Variants in SDF4 observed in about 807,000 individuals in gnomAD.
SDF4 encodes stromal cell derived factor 4.
In SDF4, 22 loss-of-function variants were observed where a neutral mutation model predicts 34.2. The ratio of observed to expected loss-of-function variants is 0.64; its 90% CI spans 0.46 to 0.92. The LOEUF is 0.92. SDF4 is among the 40% of genes least tolerant of loss of function. SDF4 has a pLI of 0.00. For missense variants in SDF4, 447 were observed against 499.9 expected, an observed-to-expected ratio of 0.89 and a Z score of 1.01; for synonymous variants, 236 against 203.1, an observed-to-expected ratio of 1.16 and a Z score of -1.38.
intron 2 of SDF4, among the ~76,000 whole-genome samples, chr1:1,227,993 C>T (rs1399412815): frequency 2.0e-5 from 3 of 152,208 alleles, no homozygotes; most frequent in East Asian, 3.8e-4. Flanking sequence ...CCGTGTGTGA[C>T]AGGGACCCCA....
rs1380698821 is a variant in SDF4 at position 1,228,558 on chromosome 1, T to C, written c.215A>G (p.Gln72Arg). The C allele has an allele frequency of 6.2e-7, 1 of 1,613,116 alleles. No individual in the cohort carries two copies. The highest frequency in any genetic ancestry group is 1.1e-5 in the South Asian group (1 of 91,090). ...MDGHLNRGFH[Q>R]EVFLGKDLGG... ...CAGGTCCTTGCCTAGGAAGACCTCC[T>C]GGTGGAAGCCGCGATTGAGGTGCCC... Residue 72 changes from glutamine (Q) to arginine (R), a missense_variant, in exon 2 of 7, where the codon CAG becomes CGG. Physicochemically the swap from Gln to Arg is conservative, Grantham distance 43 (BLOSUM62 1). Transcript: ENST00000360001.
chr1:1,227,044 C>T (rs1638335924), intron 2 of SDF4, among the ~76,000 whole-genome samples: 1 of 152,210 alleles, frequency 6.6e-6, no homozygotes, highest in African/African-American at 2.4e-5. Context: ...GGGGACACCA[C>T]ACCTGGTGCC....
intron 2 of SDF4, 129 bp downstream of exon 2, chr1:1,228,339 G>A (rs576708972): frequency 2.0e-5 from 21 of 1,050,146 alleles, no homozygotes; most frequent in East Asian, 1.3e-4. Flanking sequence ...GCTCATCACC[G>A]GCACGTCTTC....
Position 1,217,722 on chromosome 1 carries a change from T to C in SDF4, c.892-34A>G, listed in dbSNP as rs1249221804. On this transcript the variant is annotated intron_variant, in intron 6 of 6. Coordinates refer to ENST00000360001, the MANE Select transcript of SDF4 (RefSeq NM_016176.6). This position sits in a 1 kb window ranked among gnomAD's most constrained non-coding sequence, Gnocchi z 8.5. Reference sequence around the variant, plus strand: ...GAGCGGGGCACAGGTCAGCGTCGCCTTTCCCCCTCCGAGCTCCGCGGCCAG... The same window carrying C: ...GAGCGGGGCACAGGTCAGCGTCGCCCTTCCCCCTCCGAGCTCCGCGGCCAG... 6.2e-7 allele frequency: 1 copy of C among 1,612,010 alleles called. No individual in the cohort carries two copies. Among genetic ancestry groups the C allele is most frequent in the South Asian group, 1.1e-5 (1 of 90,950 alleles).
At chr1:1,228,208 T>C (rs1638372599) in intron 2 of SDF4, among the ~76,000 whole-genome samples, 1 of 152,180 alleles carries the variant, frequency 6.6e-6, no homozygotes, top group African/African-American at 2.4e-5. Flanking sequence ...CAGGCTGTCC[T>C]AGGGACGGCC....
Position 1,231,947 on chromosome 1 carries a change from C to T in SDF4, c.-230G>A, listed in dbSNP as rs1017633497. 5 of 152,194 alleles carry T rather than the reference C, an allele frequency of 3.3e-5. No individual in the cohort carries two copies. The East Asian group carries it at 7.7e-4, about 23-fold the overall frequency. The allele number at this position is 152,194 out of a possible 1,614,324, so 9.4% of individuals were successfully genotyped here. On this transcript the variant is annotated 5_prime_UTR_variant, in exon 1 of 7. Transcript: ENST00000360001. Reference sequence around the variant, plus strand: ...GACCGGAGCGAAGCGTCAGTGACGCCGCCAACGGGCCCGGATCAGGCCACT... The same window carrying T: ...GACCGGAGCGAAGCGTCAGTGACGCTGCCAACGGGCCCGGATCAGGCCACT...
chr1:1,226,603 C>T (rs528911511), intron 2 of SDF4, among the ~76,000 whole-genome samples: 19 of 151,214 alleles, frequency 1.3e-4, no homozygotes, highest in African/African-American at 3.2e-4. Context: ...AGGAGAAGGG[C>T]GAGAAGGGAC....
chr1:1,220,729 T>C (rs180993778), intron 4 of SDF4: 3 of 1,289,168 alleles, frequency 2.3e-6, no homozygotes, highest in Non-Finnish European at 3.0e-6. Flanking sequence ...GTGGGCCATG[T>C]CCTGGGCAGA....
chr1:1,224,449 T>C (rs1440879713), intron 2 of SDF4, among the ~76,000 whole-genome samples: 1 of 152,126 alleles, frequency 6.6e-6, no homozygotes, highest in Non-Finnish European at 1.5e-5. Flanking sequence ...CTGGCTAATT[T>C]TTGTATTTTT....
At chr1:1,219,499 CTTTTCCGT>C (rs1649780675) in intron 4 of SDF4, 1 of 995,300 alleles carries the variant, frequency 1.0e-6, no homozygotes, top group African/African-American at 1.7e-5. Flanking sequence ...ACTCACTGCC[CTTTTCCGT>C]TTCCTTCACG....
rs112009252 is a variant in SDF4 at position 1,223,848 on chromosome 1, C to T, written c.426G>A (p.Val142=). 1.2e-5 allele frequency: 18 copies of T among 1,500,944 alleles called. No homozygotes were observed. Among genetic ancestry groups the T allele is most frequent in the African/African-American group, 8.4e-5 (6 of 71,222 alleles). The allele number at this position is 1,500,944 out of a possible 1,614,324, so 93.0% of individuals were successfully genotyped here. A position where few individuals can be genotyped will look rare whatever the true frequency, so the allele number is the denominator to read the frequency against. Reference sequence around the variant, plus strand: ...CCACAGTACCGTCCCCGTCAGGGTCCACGGCGCGGAAGTGTGTCTTGCTCT... The same window carrying T: ...CCACAGTACCGTCCCCGTCAGGGTCTACGGCGCGGAAGTGTGTCTTGCTCT... ...MEESKTHFRA[V]DPDGDGHVSW... The change falls in exon 3 of 7, where the codon GTG becomes GTA. Residue 142 remains valine (V), a synonymous_variant. Transcript: ENST00000360001.
At chr1:1,228,001 CCAAA>C (rs1018305649) in intron 2 of SDF4, among the ~76,000 whole-genome samples, 1 of 152,214 alleles carries the variant, frequency 6.6e-6, no homozygotes, top group Non-Finnish European at 1.5e-5. Flanking sequence ...GACAGGGACC[CCAAA>C]CACACAGGGT....
chr1:1,220,305 T>C lies in SDF4; in HGVS notation c.557-1378A>G, dbSNP rs57159546. ...ACGCAGACCCAGAGAGAGGCAGCGA[T>C]GGAGGCGGGGGAAGGGAGTGATGCC... On this transcript the variant is annotated intron_variant, in intron 4 of 6. Transcript: ENST00000360001. 0.013 allele frequency: 14,114 copies of C among 1,092,334 alleles called. 1,196 individuals are homozygous for C. The African/African-American group carries it at 0.19, about 15-fold the overall frequency. The allele number at this position is 1,092,334 out of a possible 1,614,324, so 67.7% of individuals were successfully genotyped here. A position where few individuals can be genotyped will look rare whatever the true frequency, so the allele number is the denominator to read the frequency against.
intron 4 of SDF4, chr1:1,220,084 A>G (rs1360027231): frequency 3.0e-6 from 3 of 986,476 alleles, no homozygotes; most frequent in African/African-American, 1.7e-5. Context: ...CGCCCCAGAC[A>G]GGCCGGCCGA....
chr1:1,230,169 C>T (rs1335019455), intron 1 of SDF4, among the ~76,000 whole-genome samples: 1 of 152,220 alleles, frequency 6.6e-6, no homozygotes. Context: ...GCTGAGGCCC[C>T]GCCATGTCAC....
rs573538759 is a variant in SDF4, at chr1:1,219,203, A to ACCC, written c.557-279_557-277dup. On this transcript the variant is annotated intron_variant, in intron 4 of 6. Coordinates refer to ENST00000360001, the MANE Select transcript of SDF4 (RefSeq NM_016176.6). Reference sequence around the variant, plus strand: ...GCCCGGACTCCCCAAGACAGCCTGGACCCCCCCCTGCCCCAGACCCCCAAT... The same window carrying ACCC: ...GCCCGGACTCCCCAAGACAGCCTGGACCCCCCCCCCCTGCCCCAGACCCCCAAT... 2.0e-4 allele frequency: 234 copies of ACCC among 1,196,020 alleles called. No homozygotes were observed. The African/African-American group carries it at 3.6e-3, about 18-fold the overall frequency. The allele number at this position is 1,196,020 out of a possible 1,614,324, so 74.1% of individuals were successfully genotyped here. A position where few individuals can be genotyped will look rare whatever the true frequency, so the allele number is the denominator to read the frequency against.
At chr1:1,231,009 A>T (rs78379068) in intron 1 of SDF4, among the ~76,000 whole-genome samples, 12,213 of 152,312 alleles carry the variant, frequency 0.08, 696 homozygotes, top group Non-Finnish European at 0.13. Context: ...TACTTGAGGC[A>T]GGAGGATCGT....
At chr1:1,221,002 C>G (rs1649918553) in intron 4 of SDF4, 1 of 349,706 alleles carries the variant, frequency 2.9e-6, no homozygotes, top group South Asian at 2.2e-5. Context: ...TGCCTGTAAT[C>G]CCGGCATGCT....
intron 3 of SDF4, 110 bp from the exon 4 acceptor site, chr1:1,223,467 G>T: frequency 1.2e-6 from 1 of 837,698 alleles, no homozygotes; most frequent in Non-Finnish European, 1.9e-6. Context: ...CAGGATGCCA[G>T]CGTCTGGAGC....
Sources: gnomAD v4.1 joint callset for allele counts (sites outside exome capture counted in the v4.1 genomes callset) on GRCh38, gnomAD v4.1.1 for gene constraint, Gnocchi (gnomAD v3.1) non-coding constraint, MANE v1.5 for transcripts, NCBI Gene and HGNC (gene_info 2026-07-23, HGNC 2026-07-21) for gene names.